PRELID2: variants seen among roughly 807,000 people sequenced by gnomAD.
PRELID2 encodes the protein PRELI domain-containing protein 2.
PRELID2 carries 25 observed loss-of-function variants against 28.4 expected under a neutral mutation model. The ratio of observed to expected loss-of-function variants is 0.88; its 90% CI spans 0.64 to 1.23. The LOEUF is 1.23. PRELID2 is among the 50% of genes most tolerant of loss of function. The probability of loss-of-function intolerance (pLI) is 0.00; values close to 1 mark genes in which losing one functional copy is unlikely to be tolerated. For synonymous variants in PRELID2, 76 were observed against 71.6 expected (o/e 1.06, Z -0.31); for missense variants, 201 against 214.4 (o/e 0.94, Z 0.39).
intron 1 of PRELID2, among the ~76,000 whole-genome samples, chr5:145,558,975 C>T (rs954202212): frequency 2.0e-5 from 3 of 152,148 alleles, no homozygotes; most frequent in Non-Finnish European, 4.4e-5. Flanking sequence ...TGTTTTGGGG[C>T]CGGGCACAGT....
At chr5:145,490,380 C>T (rs541063592) in intron 1 of PRELID2, among the ~76,000 whole-genome samples, 4 of 152,266 alleles carry the variant, frequency 2.6e-5, no homozygotes, top group African/African-American at 7.2e-5. Context: ...AAACCTCATC[C>T]GCTTATTTTA....
Position 145,575,956 on chromosome 5 carries a change from C to A in PRELID2, n.71-102641G>T, listed in dbSNP as rs997765939. ...TTATGTTGGGAACACTCTTCTCCAT[C>A]CTCCCAACCACGTTTTACCTAAATT... On this transcript the variant is annotated intron_variant and non_coding_transcript_variant, in intron 1 of 2. Coordinates refer to the PRELID2 transcript ENST00000510259. Among the ~76,000 whole-genome samples the A allele has an allele frequency of 3.9e-5, 6 of 152,238 alleles. No individual in the cohort carries two copies. In the East Asian group the frequency reaches 1.2e-3, roughly 29 times the overall value.
At chr5:145,518,176 T>TG (rs1752534629) in intron 1 of PRELID2, among the ~76,000 whole-genome samples, 2 of 140,756 alleles carry the variant, frequency 1.4e-5, no homozygotes, top group Admixed American at 7.2e-5. Context: ...ATAATAATAA[T>TG]AATGATGTCA....
chr5:145,673,342 G>T (rs1239144173), intron 1 of PRELID2, among the ~76,000 whole-genome samples: 1 of 151,910 alleles, frequency 6.6e-6, no homozygotes, highest in Non-Finnish European at 1.5e-5. Flanking sequence ...AGAAGGGATT[G>T]CTGGCCAACT....
chr5:145,834,508 C>T (rs1313750075), intron 1 of PRELID2: 3 of 152,156 alleles, frequency 2.0e-5, no homozygotes, highest in African/African-American at 7.2e-5. Context: ...TTCTGCTCAT[C>T]AGAATGTATA....
the PRELID2 span, among the ~76,000 whole-genome samples, chr5:145,415,021 C>T: frequency 1.6e-4 from 24 of 152,280 alleles, no homozygotes; most frequent in East Asian, 3.1e-3. Context: ...GAACTCTCCA[C>T]CCCAAAATAA....
At chr5:145,260,479 G>C in the PRELID2 span, among the ~76,000 whole-genome samples, 1 of 152,188 alleles carries the variant, frequency 6.6e-6, no homozygotes, top group Non-Finnish European at 1.5e-5. Context: ...GAAATTTATA[G>C]AATAAGAATG....
the PRELID2 span, among the ~76,000 whole-genome samples, chr5:145,335,575 A>G: frequency 6.6e-6 from 1 of 152,176 alleles, no homozygotes; most frequent in Admixed American, 6.5e-5. Context: ...GTGAAAATTC[A>G]ACAACACATT....
chr5:145,821,152 G>GGTGGGTGGGTGTGTGTGTGTGTGTGTGT (rs1554100260), intron 2 of PRELID2, among the ~76,000 whole-genome samples: 1 of 88,262 alleles, frequency 1.1e-5, no homozygotes, highest in African/African-American at 4.0e-5. Context: ...AACTCTCCTG[G>GGTGGGTGGGTGTGTGTGTGTGTGTGTGT]GTGTGTGTGT....
chr5:145,330,666 T>C, the PRELID2 span, among the ~76,000 whole-genome samples: 3 of 152,210 alleles, frequency 2.0e-5, no homozygotes, highest in African/African-American at 7.2e-5. Context: ...TTTTCTCTTT[T>C]CTTCTTTATT....
Position 145,830,287 on chromosome 5 carries a change from T to C in PRELID2, c.75+4890A>G, listed in dbSNP as rs190399273. ...CAGCATAAAAAGAAAGTCAACCTTC[T>C]GAAGGTAAGAAAAATCTTTACTTCT... On this transcript the variant is annotated intron_variant, in intron 1 of 6. Transcript: ENST00000683046. Among the ~76,000 whole-genome samples, 717 of 152,334 alleles carry C rather than the reference T, an allele frequency of 4.7e-3. 7 individuals are homozygous for C. Among genetic ancestry groups the C allele is most frequent in the African/African-American group, 0.015 (608 of 41,578 alleles).
At chr5:145,286,706 T>G in the PRELID2 span, among the ~76,000 whole-genome samples, 2 of 96,552 alleles carry the variant, frequency 2.1e-5, no homozygotes, top group East Asian at 4.5e-4. Context: ...GTTTTTGTTT[T>G]TTTTTGTTTG....
chr5:145,441,148 T>A, the PRELID2 span: 1 of 152,110 alleles, frequency 6.6e-6, no homozygotes, highest in African/African-American at 2.4e-5. Flanking sequence ...TGACGCCTAG[T>A]TGTTCTTTGA....
At chr5:145,779,973 G>T (rs1055238350) in intron 5 of PRELID2, among the ~76,000 whole-genome samples, 1 of 152,174 alleles carries the variant, frequency 6.6e-6, no homozygotes, top group African/African-American at 2.4e-5. Flanking sequence ...TTGAGCCCAG[G>T]AGTTCGAGAC....
intron 1 of PRELID2, among the ~76,000 whole-genome samples, chr5:145,740,603 ATT>A (rs1756650139): frequency 2.3e-4 from 1 of 4,352 alleles, no homozygotes; most frequent in East Asian, 0.016. Flanking sequence ...ATATATATAT[ATT>A]ATATATATAA....
chr5:145,304,281 C>T, the PRELID2 span, among the ~76,000 whole-genome samples: 4 of 152,000 alleles, frequency 2.6e-5, no homozygotes, highest in Non-Finnish European at 5.9e-5. Context: ...ATGATTATTA[C>T]TATTGTTGTT....
At chr5:145,418,428 G>C in the PRELID2 span, among the ~76,000 whole-genome samples, 1 of 152,054 alleles carries the variant, frequency 6.6e-6, no homozygotes, top group East Asian at 1.9e-4. Flanking sequence ...AGCCCAGATA[G>C]CCAAGACAAT....
chr5:145,669,390 T>C (rs1754660621), intron 1 of PRELID2, among the ~76,000 whole-genome samples: 1 of 152,082 alleles, frequency 6.6e-6, no homozygotes, highest in African/African-American at 2.4e-5. Flanking sequence ...TGTTCCACTG[T>C]TCAGATAAAC....
At chr5:145,638,369 C>T (rs149647268) in intron 1 of PRELID2, among the ~76,000 whole-genome samples, 4 of 152,284 alleles carry the variant, frequency 2.6e-5, no homozygotes, top group African/African-American at 9.6e-5. Flanking sequence ...TTTATCCTGA[C>T]AACATGGCCT....
Sources: allele counts gnomAD v4.1 joint callset (sites outside exome capture counted in the v4.1 genomes callset), GRCh38; gene constraint gnomAD v4.1.1; transcripts MANE v1.5; gene names NCBI Gene and HGNC (gene_info 2026-07-23, HGNC 2026-07-21).